PLCG1: variants seen among roughly 807,000 people sequenced by gnomAD.
PLCG1 encodes the protein 1-phosphatidylinositol 4,5-bisphosphate phosphodiesterase gamma-1.
Under a neutral mutation model 177.8 loss-of-function variants are expected in PLCG1, and 71 were observed. That is an observed-to-expected ratio of 0.40 (90% confidence interval 0.33 to 0.49). The LOEUF is 0.49. Ranked by LOEUF, PLCG1 falls within the 20% of genes least tolerant of loss-of-function variation. PLCG1 has a pLI of 0.72. For missense variants in PLCG1, 1,281 were observed against 1,709.0 expected (o/e 0.75, Z 4.42); for synonymous variants, 658 against 647.9 (o/e 1.02, Z -0.24).
Position 41,157,668 on chromosome 20 carries a change from G to A in PLCG1, c.218-1938G>A, listed in dbSNP as rs1008089699. Reference sequence around the variant, plus strand: ...CCACAGGAAGGAGCTTCTCAGTTGGGCCCTTGGTGGAAGAGAAGGGAGCCG... The same window carrying A: ...CCACAGGAAGGAGCTTCTCAGTTGGACCCTTGGTGGAAGAGAAGGGAGCCG... On this transcript the variant is annotated intron_variant, in intron 1 of 31. Coordinates refer to ENST00000685551, the MANE Select transcript of PLCG1 (RefSeq NM_002660.3). This position sits in a 1 kb window ranked among gnomAD's most constrained non-coding sequence, Gnocchi z 5.4. Among the ~76,000 whole-genome samples the A allele has an allele frequency of 2.0e-5, 3 of 152,208 alleles. No individual in the cohort carries two copies. The highest frequency in any genetic ancestry group is 7.2e-5 in the African/African-American group (3 of 41,446).
chr20:41,174,150 C>A lies in PLCG1; in HGVS notation c.3672C>A (p.Phe1224Leu), dbSNP rs535997909. 1.2e-6 allele frequency: 2 copies of A among 1,614,034 alleles called. No homozygotes were observed. The highest frequency in any genetic ancestry group is 1.1e-5 in the South Asian group (1 of 91,082). Residue 1224 changes from phenylalanine to leucine, a missense_variant, in exon 31 of 32, where the codon TTC becomes TTA. Physicochemically the swap from Phe to Leu is conservative, Grantham distance 22 (BLOSUM62 0). This residue lies in a region of PLCG1 where 153 missense variants were observed against 153.2 expected (regional missense o/e 1.00). Transcript: ENST00000685551. The surrounding 1 kb of genome is among the most constrained non-coding windows in gnomAD (Gnocchi z 5.8). ...AKQENGDLSP[F>L]SGTSLRERGS... ...AGGAGAATGGTGACCTCAGTCCCTT[C>A]AGTGGTACGTCCCTGCGGGAGCGGG... is the stretch of plus-strand genomic sequence containing the variant.
In PLCG1 at chr20:41,177,083, C is replaced by G. The variant is rs924194378; in HGVS notation, c.*2574C>G. Reference sequence around the variant, plus strand: ...AAAACCCTGATTTTGGCAGCACAAACCAAAAGAGCAGGCAGGGCCGGGAGA... The same window carrying G: ...AAAACCCTGATTTTGGCAGCACAAAGCAAAAGAGCAGGCAGGGCCGGGAGA... On this transcript the variant is annotated 3_prime_UTR_variant, in exon 32 of 32. Coordinates refer to ENST00000685551, the MANE Select transcript of PLCG1 (RefSeq NM_002660.3). 1.3e-5 allele frequency: 2 copies of G among 152,238 alleles called. No individual in the cohort carries two copies. The highest frequency in any genetic ancestry group is 2.9e-5 in the Non-Finnish European group (2 of 68,062). 9.4% of individuals were successfully genotyped at this position (152,238 alleles called of 1,614,324 possible). A position where few individuals can be genotyped will look rare whatever the true frequency, so the allele number is the denominator to read the frequency against.
chr20:41,172,822 A>T lies in PLCG1; in HGVS notation c.3224A>T (p.Asp1075Val), dbSNP rs147844565. The T allele has an allele frequency of 2.2e-4, 351 of 1,613,982 alleles. 1 individual carries two copies. Among genetic ancestry groups the T allele is most frequent in the Admixed American group, 3.3e-4 (20 of 60,012 alleles). Residue 1075 changes from aspartate to valine, a missense_variant, in exon 27 of 32, where the codon GAC (aspartate) becomes GTC (valine). By Grantham distance (152) the Asp-to-Val change is radical (BLOSUM62 -3). This residue lies in a region of PLCG1 where 723 missense variants were observed against 1,030.0 expected (regional missense o/e 0.70). Coordinates refer to ENST00000685551, the MANE Select transcript of PLCG1 (RefSeq NM_002660.3). The surrounding 1 kb of genome is among the most constrained non-coding windows in gnomAD (Gnocchi z 7.0). ...QPSTMRDEAF[D>V]PFDKSSLRGL... The stretch of plus-strand genomic sequence containing the variant: ...AGCACCATGCGGGATGAGGCCTTCG[A>T]CCCCTTTGACAAGAGCAGCCTCCGC...
chr20:41,167,746 C>T lies in PLCG1; in HGVS notation c.2302-106C>T. The T allele has an allele frequency of 1.3e-6, 1 of 780,352 alleles. No homozygotes were observed. Among genetic ancestry groups the T allele is most frequent in the South Asian group, 1.5e-5 (1 of 67,360 alleles). The allele number at this position is 780,352 out of a possible 1,614,324, so 48.3% of individuals were successfully genotyped here. On this transcript the variant is annotated intron_variant, in intron 19 of 31. Transcript: ENST00000685551. The surrounding 1 kb of genome is among the most constrained non-coding windows in gnomAD (Gnocchi z 4.4). ...TCGAAGGATCCCTGTGGATCAGGTG[C>T]AAGTTTGCTGCACTGGGGGAAAGGG...
rs200249604 is a variant in PLCG1, at chr20:41,170,312, C to T, written c.2808+43C>T. On this transcript the variant is annotated intron_variant, in intron 24 of 31. Transcript: ENST00000685551. ...CCTTCTGGGGGGCAGTGTGTGGGCCCGTCAGGCAGCTGAGGCCTCCAGCTC... is the reference window on the plus strand; with the variant it reads ...CCTTCTGGGGGGCAGTGTGTGGGCCTGTCAGGCAGCTGAGGCCTCCAGCTC... 581 of 1,609,964 alleles carry T rather than the reference C, an allele frequency of 3.6e-4. 4 individuals carry two copies. Among genetic ancestry groups the T allele is most frequent in the South Asian group, 3.2e-3 (289 of 90,780 alleles).
Position 41,174,470 on chromosome 20 carries a change from C to T in PLCG1, c.3837C>T (p.Ala1279=), listed in dbSNP as rs1159362228. The change falls in exon 32 of 32, where the codon GCC becomes GCT. Residue 1279 remains alanine, a synonymous_variant. Coordinates refer to ENST00000685551, the MANE Select transcript of PLCG1 (RefSeq NM_002660.3). The surrounding 1 kb of genome is among the most constrained non-coding windows in gnomAD (Gnocchi z 5.8). ...GACACTCTTCCCTTCTGTCCAGGGC[C>T]CCAAGAAGGACTCGGGTCAATGGAG... The part of the protein sequence containing the change: ...ADHFDSRERR[A]PRRTRVNGDN... 5 of 1,589,572 alleles carry T rather than the reference C, an allele frequency of 3.1e-6. No individual in the cohort carries two copies. The highest frequency in any genetic ancestry group is 4.3e-6 in the Non-Finnish European group (5 of 1,166,496).
In PLCG1 at chr20:41,137,808, A is replaced by G; in HGVS notation, c.167A>G (p.Glu56Gly). The G allele has an allele frequency of 7.7e-7, 1 of 1,301,696 alleles. No homozygotes were observed. The highest frequency in any genetic ancestry group is 9.8e-7 in the Non-Finnish European group (1 of 1,017,548). The allele number at this position is 1,301,696 out of a possible 1,614,324, so 80.6% of individuals were successfully genotyped here. A position where few individuals can be genotyped will look rare whatever the true frequency, so the allele number is the denominator to read the frequency against. Residue 56 changes from glutamate (E) to glycine (G), a missense_variant, in exon 1 of 32, where the codon GAG (glutamate) becomes GGG (glycine). Glu to Gly is a moderately conservative substitution (Grantham distance 98). Around this residue, in one of 4 missense-constraint regions of PLCG1, gnomAD observed 374 missense variants for 443.8 expected, o/e 0.84. Coordinates refer to ENST00000685551, the MANE Select transcript of PLCG1 (RefSeq NM_002660.3). The surrounding 1 kb of genome is among the most constrained non-coding windows in gnomAD (Gnocchi z 7.3). ...CGGAAGACCTTCCAGGTCAAGCTGGAGACGCGCCAGATCACGTGGAGCCGG... is the reference window on the plus strand; with the variant it reads ...CGGAAGACCTTCCAGGTCAAGCTGGGGACGCGCCAGATCACGTGGAGCCGG... Reference protein sequence around the residue: ...PERKTFQVKLETRQITWSRGA... With the variant: ...PERKTFQVKLGTRQITWSRGA...
In PLCG1 at chr20:41,137,708, C is replaced by G. The variant is rs2034643970; in HGVS notation, c.67C>G (p.Leu23Val). Residue 23 changes from leucine to valine, a missense_variant, in exon 1 of 32, where the codon CTG (leucine) becomes GTG (valine). This residue lies in a region of PLCG1 where 374 missense variants were observed against 443.8 expected (regional missense o/e 0.84). Transcript: ENST00000685551. This position sits in a 1 kb window ranked among gnomAD's most constrained non-coding sequence, Gnocchi z 7.3. ...CGGCGCGCCCTCGGACGCCGAGGTG[C>G]TGCACCTCTGCCGCAGCCTCGAGGT... ...GPGAPSDAEV[L>V]HLCRSLEVGT... The G allele has an allele frequency of 3.0e-6, 4 of 1,312,504 alleles. No individual in the cohort carries two copies. The highest frequency in any genetic ancestry group is 3.9e-6 in the Non-Finnish European group (4 of 1,026,348). The allele number at this position is 1,312,504 out of a possible 1,614,324, so 81.3% of individuals were successfully genotyped here.
Position 41,163,531 on chromosome 20 carries a change from C to A in PLCG1, c.891+52C>A. The stretch of plus-strand genomic sequence containing the variant: ...TGTCAAGAGAATGAGTAGGGGTGAC[C>A]AGGACCCCACCCGGGCTCCAGGAGC... On this transcript the variant is annotated intron_variant, in intron 9 of 31. Transcript: ENST00000685551. The surrounding 1 kb of genome is among the most constrained non-coding windows in gnomAD (Gnocchi z 5.2). 7.5e-7 allele frequency: 1 copy of A among 1,335,842 alleles called. No individual in the cohort carries two copies. The highest frequency in any genetic ancestry group is 1.1e-6 in the Non-Finnish European group (1 of 930,712). 82.7% of individuals were successfully genotyped at this position (1,335,842 alleles called of 1,614,324 possible). A position where few individuals can be genotyped will look rare whatever the true frequency, so the allele number is the denominator to read the frequency against.
rs750552920 is a variant in PLCG1 at position 41,163,850 on chromosome 20, C to CA, written c.1010+18dup. On this transcript the variant is annotated intron_variant, in intron 10 of 31. Coordinates refer to ENST00000685551, the MANE Select transcript of PLCG1 (RefSeq NM_002660.3). The surrounding 1 kb of genome is among the most constrained non-coding windows in gnomAD (Gnocchi z 5.2). ...GCACAACACGTGAGTGTGGCTCCTT[C>CA]AGGCCCACCCAGCTTCTTCCCCAGG... The CA allele has an allele frequency of 3.1e-6, 5 of 1,608,640 alleles. No individual in the cohort carries two copies. Among genetic ancestry groups the CA allele is most frequent in the Non-Finnish European group, 4.3e-6 (5 of 1,174,948 alleles).
At chr20:41,152,695 G>T (rs892372669) in intron 1 of PLCG1, among the ~76,000 whole-genome samples, 1 of 152,274 alleles carries the variant, frequency 6.6e-6, no homozygotes, top group Non-Finnish European at 1.5e-5. Flanking sequence ...CCCTGGGTTT[G>T]TGTTGGACTG....
Position 41,176,948 on chromosome 20 carries a change from A to G in PLCG1, c.*2439A>G, listed in dbSNP as rs1262803396. ...TGACCTGTGGAGTCTCAACCCTAAC[A>G]GCACATTAGCACCACTTGGGGAGCT... On this transcript the variant is annotated 3_prime_UTR_variant, in exon 32 of 32. Transcript: ENST00000685551. 3.3e-5 allele frequency: 5 copies of G among 152,258 alleles called. No individual in the cohort carries two copies. The highest frequency in any genetic ancestry group is 7.3e-5 in the Non-Finnish European group (5 of 68,050). The allele number at this position is 152,258 out of a possible 1,614,324, so 9.4% of individuals were successfully genotyped here.
At position 41,165,719 on chromosome 20, in the gene PLCG1, C is replaced by T. The variant is rs777695220; in HGVS notation, c.1692C>T (p.Ile564=). The T allele has an allele frequency of 3.1e-5, 50 of 1,613,734 alleles. No homozygotes were observed. Among genetic ancestry groups the T allele is most frequent in the African/African-American group, 1.6e-4 (12 of 74,942 alleles). ...KLGAGRDGRH[I]AERLLTEYCI... The stretch of plus-strand genomic sequence containing the variant: ...GGGCAGGGCGTGACGGGCGTCACAT[C>T]GCTGAGCGCCTGCTTACTGAGTACT... The change falls in exon 16 of 32, where the codon ATC becomes ATT. Residue 564 remains isoleucine (I), a synonymous_variant. Coordinates refer to ENST00000685551, the MANE Select transcript of PLCG1 (RefSeq NM_002660.3). The surrounding 1 kb of genome is among the most constrained non-coding windows in gnomAD (Gnocchi z 6.6).
At position 41,162,917 on chromosome 20, in the gene PLCG1, C is replaced by T. The variant is rs2035559646; in HGVS notation, c.682-41C>T. 4 of 1,599,292 alleles carry T rather than the reference C, an allele frequency of 2.5e-6. No homozygotes were observed. The African/African-American group carries it at 4.0e-5, about 16-fold the overall frequency. ...CTTACTAGCCCATTTCCCACATGGCCTCCCAGGGGTCTTGCCCTGACCAGG... is the reference window on the plus strand; with the variant it reads ...CTTACTAGCCCATTTCCCACATGGCTTCCCAGGGGTCTTGCCCTGACCAGG... On this transcript the variant is annotated intron_variant, in intron 6 of 31. Coordinates refer to ENST00000685551, the MANE Select transcript of PLCG1 (RefSeq NM_002660.3).
At chr20:41,140,735 G>T (rs192778969) in intron 1 of PLCG1, among the ~76,000 whole-genome samples, 1 of 152,338 alleles carries the variant, frequency 6.6e-6, no homozygotes, top group East Asian at 1.9e-4. Flanking sequence ...CAGGAACCAG[G>T]TTGGTGTTTG....
At chr20:41,168,488 A>G (rs557907525) in intron 20 of PLCG1, among the ~76,000 whole-genome samples, 1 of 152,346 alleles carries the variant, frequency 6.6e-6, no homozygotes, top group African/African-American at 2.4e-5. Context: ...AGCGGATTCA[A>G]GGTTCTCCCT....
chr20:41,171,049 C>T (rs1361538351), intron 24 of PLCG1: 1 of 152,326 alleles, frequency 6.6e-6, no homozygotes, highest in Non-Finnish European at 1.5e-5. Flanking sequence ...GTGGCCTCTT[C>T]CCCTGAGCCT....
rs1278830482 is a variant in PLCG1, at chr20:41,151,320, AC to A, written c.218-8283del. 2.3e-4 allele frequency among the ~76,000 whole-genome samples: 35 copies of A among 152,136 alleles called. 1 individual carries two copies. The highest frequency in any genetic ancestry group is 8.4e-4 in the African/African-American group (35 of 41,490). Reference sequence around the variant, plus strand: ...TGACTCACCATATGACCATGACAAGACCCTTTGGACCCTCTGTTTCCTCATT... The same window carrying A: ...TGACTCACCATATGACCATGACAAGACCTTTGGACCCTCTGTTTCCTCATT... On this transcript the variant is annotated intron_variant, in intron 1 of 31. Coordinates refer to ENST00000685551, the MANE Select transcript of PLCG1 (RefSeq NM_002660.3). The surrounding 1 kb of genome is among the most constrained non-coding windows in gnomAD (Gnocchi z 5.5).
At position 41,146,711 on chromosome 20, in the gene PLCG1, T is replaced by C. The variant is rs2035006172; in HGVS notation, c.217+8853T>C. ...TAAAATGTTCTGAGGGAAATGATTG[T>C]TGAGGGCATGGGCTTGGGTCATAGT... On this transcript the variant is annotated intron_variant, in intron 1 of 31. Transcript: ENST00000685551. The surrounding 1 kb of genome is among the most constrained non-coding windows in gnomAD (Gnocchi z 6.3). 6.6e-6 allele frequency among the ~76,000 whole-genome samples: 1 copy of C among 152,188 alleles called. No homozygotes were observed. The highest frequency in any genetic ancestry group is 6.5e-5 in the Admixed American group (1 of 15,270).
Sources: gnomAD v4.1 joint callset for allele counts (sites outside exome capture counted in the v4.1 genomes callset) on GRCh38, gnomAD v4.1.1 for gene constraint, gnomAD v4.1.1 regional missense constraint, Gnocchi (gnomAD v3.1) non-coding constraint, MANE v1.5 for transcripts, NCBI Gene and HGNC (gene_info 2026-07-23, HGNC 2026-07-21) for gene names.